Variants in KCTD16 observed in about 807,000 individuals in gnomAD.
KCTD16 encodes the protein potassium channel tetramerization domain containing 16.
In KCTD16, 13 loss-of-function variants were observed where a neutral mutation model predicts 33.2. That is an observed-to-expected ratio of 0.39 (90% confidence interval 0.25 to 0.62). KCTD16 has a LOEUF of 0.62. Among genes scored for constraint, KCTD16 ranks in the 20% least tolerant of loss-of-function variants. KCTD16 has a pLI of 0.50. For missense variants in KCTD16, 441 were observed against 525.1 expected (o/e 0.84, Z 1.57); for synonymous variants, 197 against 195.3 (o/e 1.01, Z -0.07).
At chr5:144,228,583 A>G (rs1424269511) in intron 3 of KCTD16, among the ~76,000 whole-genome samples, 1 of 152,220 alleles carries the variant, frequency 6.6e-6, no homozygotes, top group Non-Finnish European at 1.5e-5. Flanking sequence ...AGGTGGTAGA[A>G]CAGAAAGTGA....
intron 3 of KCTD16, among the ~76,000 whole-genome samples, chr5:144,427,859 T>C (rs73296072): frequency 0.054 from 8,150 of 152,242 alleles, 753 homozygotes; most frequent in African/African-American, 0.19. Flanking sequence ...GAAAGGTTAC[T>C]CCATTTCCTA....
intron 3 of KCTD16, among the ~76,000 whole-genome samples, chr5:144,212,086 T>G (rs113844948): frequency 0.025 from 3,868 of 152,280 alleles, 149 homozygotes; most frequent in African/African-American, 0.087. Flanking sequence ...GATTTGAAGC[T>G]TCTTAATTTC....
chr5:144,346,030 A>G (rs896060794), intron 3 of KCTD16, among the ~76,000 whole-genome samples: 1 of 151,240 alleles, frequency 6.6e-6, no homozygotes, highest in Non-Finnish European at 1.5e-5. Context: ...GCCTCTGGAA[A>G]CTATTCTTCT....
chr5:144,316,479 T>C (rs1420967980), intron 3 of KCTD16, among the ~76,000 whole-genome samples: 1 of 151,390 alleles, frequency 6.6e-6, no homozygotes, highest in Non-Finnish European at 1.5e-5. Context: ...GCGTAATTTT[T>C]CCCCCATCTT....
At chr5:144,407,611 G>A (rs184179424) in intron 3 of KCTD16, among the ~76,000 whole-genome samples, 21 of 152,124 alleles carry the variant, frequency 1.4e-4, no homozygotes, top group African/African-American at 4.3e-4. Flanking sequence ...CATGTGCCGT[G>A]GTAGTTTGCT....
At chr5:144,291,970 A>T (rs932308865) in intron 3 of KCTD16, among the ~76,000 whole-genome samples, 4 of 152,342 alleles carry the variant, frequency 2.6e-5, no homozygotes, top group Admixed American at 2.6e-4. Flanking sequence ...CTGTTGCTAA[A>T]TCTTAATTAG....
chr5:144,454,648 T>TCA (rs1754020597), intron 3 of KCTD16, among the ~76,000 whole-genome samples: 2 of 152,192 alleles, frequency 1.3e-5, no homozygotes, highest in Admixed American at 1.3e-4. Flanking sequence ...TAAAGCTCCA[T>TCA]CATGGATAGC....
At chr5:144,465,055 G>A (rs1304983778) in intron 3 of KCTD16, among the ~76,000 whole-genome samples, 3 of 152,064 alleles carry the variant, frequency 2.0e-5, no homozygotes, top group Non-Finnish European at 4.4e-5. Flanking sequence ...TAGAGATTAA[G>A]CATTGTAATT....
intron 3 of KCTD16, among the ~76,000 whole-genome samples, chr5:144,468,137 C>T (rs557303292): frequency 6.6e-6 from 1 of 152,312 alleles, no homozygotes; most frequent in East Asian, 1.9e-4. Context: ...GGCCACATGC[C>T]CTCCTCAGAT....
intron 3 of KCTD16, among the ~76,000 whole-genome samples, chr5:144,334,580 A>C (rs1241482440): frequency 6.6e-6 from 1 of 152,170 alleles, no homozygotes; most frequent in Non-Finnish European, 1.5e-5. Context: ...TGTGCCAGGC[A>C]TGATGTTATG....
chr5:144,451,742 T>A (rs890126992), intron 3 of KCTD16, among the ~76,000 whole-genome samples: 1 of 152,124 alleles, frequency 6.6e-6, no homozygotes, highest in Admixed American at 6.6e-5. Flanking sequence ...TCAAAGTGAG[T>A]TTGAGGGACT....
chr5:144,373,315 G>A (rs1187084656), intron 3 of KCTD16, among the ~76,000 whole-genome samples: 1 of 152,120 alleles, frequency 6.6e-6, no homozygotes, highest in Non-Finnish European at 1.5e-5. Flanking sequence ...CCTGCTATGA[G>A]GGGTGGTAAG....
At chr5:144,320,010 T>A (rs1210485674) in intron 3 of KCTD16, among the ~76,000 whole-genome samples, 1 of 152,292 alleles carries the variant, frequency 6.6e-6, no homozygotes. Flanking sequence ...TCTTTTACCA[T>A]TGCTTTATAT....
At chr5:144,171,983 A>T (rs1752395086) in intron 1 of KCTD16, among the ~76,000 whole-genome samples, 1 of 152,188 alleles carries the variant, frequency 6.6e-6, no homozygotes. Context: ...TAGCAATAAA[A>T]TTTATCATGA....
At chr5:144,268,765 T>C (rs1305255709) in intron 3 of KCTD16, among the ~76,000 whole-genome samples, 5 of 152,152 alleles carry the variant, frequency 3.3e-5, no homozygotes, top group Non-Finnish European at 5.9e-5. Context: ...GAAAAAGACC[T>C]AATGGCAGTT....
chr5:144,337,273 T>C (rs1752514224), intron 3 of KCTD16, among the ~76,000 whole-genome samples: 1 of 152,116 alleles, frequency 6.6e-6, no homozygotes, highest in South Asian at 2.1e-4. Flanking sequence ...GAAAAGGATA[T>C]GAAAAATTTT....
rs569722527 is a variant in KCTD16, at chr5:144,176,123, G to T, written c.-327+1651G>T. ...GTCTTAAGAACCGCCTATATTTAGG[G>T]CAATTATACTTGAAAATTGTGAACA... On this transcript the variant is annotated intron_variant, in intron 2 of 3. Transcript: ENST00000512467. Among the ~76,000 whole-genome samples, 6 of 152,150 alleles carry T rather than the reference G, an allele frequency of 3.9e-5. No homozygotes were observed. In the East Asian group the frequency reaches 1.2e-3, roughly 29 times the overall value.
intron 3 of KCTD16, among the ~76,000 whole-genome samples, chr5:144,426,860 C>T (rs1201232459): frequency 6.6e-6 from 1 of 152,112 alleles, no homozygotes; most frequent in African/African-American, 2.4e-5. Context: ...GGGTGGATTC[C>T]TCATACTTAA....
intron 3 of KCTD16, among the ~76,000 whole-genome samples, chr5:144,356,275 A>G (rs1198648325): frequency 6.6e-6 from 1 of 152,206 alleles, no homozygotes; most frequent in Non-Finnish European, 1.5e-5. Context: ...TATACAACTC[A>G]GGAAATTTTA....
Sources: allele counts gnomAD v4.1 joint callset (sites outside exome capture counted in the v4.1 genomes callset), GRCh38; gene constraint gnomAD v4.1.1; transcripts MANE v1.5; gene names NCBI Gene and HGNC (gene_info 2026-07-23, HGNC 2026-07-21).